ZIM2: variants seen among roughly 807,000 people sequenced by gnomAD.
The protein encoded by ZIM2 is zinc finger protein 656.
In ZIM2, 14 loss-of-function variants were observed where a neutral mutation model predicts 38.6. The ratio of observed to expected loss-of-function variants is 0.36; its 90% CI spans 0.24 to 0.57. The LOEUF (loss-of-function observed/expected upper bound fraction) is 0.57, where lower values mean the gene tolerates loss of function less well. Among genes scored for constraint, ZIM2 ranks in the 20% least tolerant of loss-of-function variants. ZIM2 has a pLI of 0.81. For missense variants in ZIM2, 680 were observed against 695.1 expected, an observed-to-expected ratio of 0.98 and a Z score of 0.24; for synonymous variants, 247 against 245.8, an observed-to-expected ratio of 1.00 and a Z score of -0.04.
chr19:56,825,025 A>G (rs997345184), intron 3 of ZIM2: 11 of 193,866 alleles, frequency 5.7e-5, no homozygotes, highest in Non-Finnish European at 3.2e-5. Flanking sequence ...AATCTGAGAA[A>G]TAAGAATAAC....
At chr19:56,815,001 G>A (rs747278764) in intron 9 of ZIM2, 2 of 1,614,136 alleles carry the variant, frequency 1.2e-6, no homozygotes, top group South Asian at 2.2e-5. Flanking sequence ...TGATGGAATG[G>A]GTGTGAATTA....
intron 9 of ZIM2, chr19:56,811,809 C>T (rs1414364015): frequency 1.0e-6 from 1 of 985,548 alleles, no homozygotes; most frequent in Non-Finnish European, 1.2e-6. Flanking sequence ...CTGCTCAGGA[C>T]ACCCCGCTCA....
chr19:56,815,175 A>T, intron 9 of ZIM2: 1 of 1,613,948 alleles, frequency 6.2e-7, no homozygotes, highest in Non-Finnish European at 8.5e-7. Flanking sequence ...CTGAGCCTTG[A>T]ATGACAGGGT....
intron 1 of ZIM2, among the ~76,000 whole-genome samples, chr19:56,837,207 T>C (rs142028292): frequency 6.6e-6 from 1 of 152,170 alleles, no homozygotes; most frequent in East Asian, 1.9e-4. Context: ...GCTCTGCTCA[T>C]GAACAGTTTC....
intron 1 of ZIM2, among the ~76,000 whole-genome samples, chr19:56,838,584 A>C (rs886351896): frequency 6.6e-6 from 1 of 152,220 alleles, no homozygotes; most frequent in South Asian, 2.1e-4. Flanking sequence ...GTCAGGCAAC[A>C]ACAGGGGAAG....
chr19:56,831,937 G>A (rs2061604559), intron 2 of ZIM2, among the ~76,000 whole-genome samples: 1 of 152,184 alleles, frequency 6.6e-6, no homozygotes, highest in African/African-American at 2.4e-5. Context: ...CAAAGCTATA[G>A]ATGGAGACCT....
chr19:56,834,155 T>A (rs373281718), intron 2 of ZIM2, among the ~76,000 whole-genome samples: 1 of 152,140 alleles, frequency 6.6e-6, no homozygotes, highest in Non-Finnish European at 1.5e-5. Context: ...AATTGGCTCA[T>A]CTGATTTTTT....
At chr19:56,819,156 T>C (rs2060249218) in intron 7 of ZIM2, among the ~76,000 whole-genome samples, 1 of 152,116 alleles carries the variant, frequency 6.6e-6, no homozygotes, top group Non-Finnish European at 1.5e-5. Context: ...AAACTTAGAC[T>C]AAATATCAAA....
chr19:56,778,628 A>G (rs149184072), intron 12 of ZIM2, among the ~76,000 whole-genome samples: 22 of 152,296 alleles, frequency 1.4e-4, no homozygotes, highest in African/African-American at 3.6e-4. Flanking sequence ...GTAGAAGGAG[A>G]AAATGAAACT....
intron 9 of ZIM2, chr19:56,798,123 A>T (rs1037559748): frequency 3.9e-5 from 6 of 152,192 alleles, no homozygotes. Context: ...TTACAATCAA[A>T]ACTGCCATGA....
chr19:56,803,283 G>A (rs1230890012), intron 9 of ZIM2, among the ~76,000 whole-genome samples: 1 of 152,160 alleles, frequency 6.6e-6, no homozygotes, highest in African/African-American at 2.4e-5. Flanking sequence ...TCTCACAACT[G>A]CTTAGAGGTG....
intron 10 of ZIM2, among the ~76,000 whole-genome samples, chr19:56,782,742 T>C (rs1568567650): frequency 6.6e-6 from 1 of 152,158 alleles, no homozygotes; most frequent in Non-Finnish European, 1.5e-5. Flanking sequence ...TGTGGGTACA[T>C]AGTACTTGTA....
chr19:56,817,265 G>A (rs146466276), intron 9 of ZIM2: 21 of 1,613,880 alleles, frequency 1.3e-5, no homozygotes, highest in Admixed American at 3.3e-5. Flanking sequence ...AAATGATAGC[G>A]CCTCTTTCTT....
At chr19:56,815,361 C>G (rs762269494) in intron 9 of ZIM2, 1 of 1,614,094 alleles carries the variant, frequency 6.2e-7, no homozygotes, top group Admixed American at 1.7e-5. Context: ...TCCGCGCTTG[C>G]TCTTTAGCAT....
chr19:56,778,515 C>T (rs1209728414), intron 12 of ZIM2, among the ~76,000 whole-genome samples: 1 of 152,188 alleles, frequency 6.6e-6, no homozygotes, highest in Non-Finnish European at 1.5e-5. Context: ...GATGCTTCCT[C>T]TCTCTTGAGA....
At chr19:56,812,793 A>G (rs2059625190) in intron 9 of ZIM2, 1 of 979,594 alleles carries the variant, frequency 1.0e-6, no homozygotes, top group Non-Finnish European at 1.2e-6. Flanking sequence ...TCAATTCACT[A>G]TCATCAAACA....
At chr19:56,829,653 T>C (rs2146492961) in intron 2 of ZIM2, among the ~76,000 whole-genome samples, 1 of 152,350 alleles carries the variant, frequency 6.6e-6, no homozygotes, top group South Asian at 2.1e-4. Context: ...GCAATGAGGT[T>C]AGCTGCCTTC....
intron 9 of ZIM2, chr19:56,812,357 A>C (rs2059595640): frequency 1.0e-6 from 1 of 984,442 alleles, no homozygotes. Context: ...AGATGTTAAC[A>C]AAACAAATTA....
chr19:56,792,530 C>CAAAAAAAA (rs1215431208), intron 9 of ZIM2, among the ~76,000 whole-genome samples: 1 of 20,956 alleles, frequency 4.8e-5, no homozygotes, highest in Non-Finnish European at 1.2e-4. Flanking sequence ...GACTCTGTCT[C>CAAAAAAAA]AAAAAAAAAA....
Sources: gnomAD v4.1 joint callset for allele counts (sites outside exome capture counted in the v4.1 genomes callset) on GRCh38, gnomAD v4.1.1 for gene constraint, MANE v1.5 for transcripts, NCBI Gene and HGNC (gene_info 2026-07-23, HGNC 2026-07-21) for gene names.